Variants in EYS observed in about 807,000 individuals in gnomAD.
EYS encodes EGF-like photoreceptor maintenance factor, also known as protein eyes shut homolog.
A neutral mutation model predicts 282.1 loss-of-function variants in EYS; 250 were observed. The ratio of observed to expected loss-of-function variants is 0.89; its 90% CI spans 0.80 to 0.98. The LOEUF (loss-of-function observed/expected upper bound fraction) is 0.98, where lower values mean the gene tolerates loss of function less well. EYS is among the 50% of genes least tolerant of loss of function. The pLI, the probability that EYS is intolerant of heterozygous loss-of-function variation, is 0.00. For synonymous variants in EYS, 1,355 were observed against 1,282.9 expected (o/e 1.06, Z -1.20); for missense variants, 4,016 against 3,709.0 (o/e 1.08, Z -2.15).
chr6:64,985,070 T>G (rs867640823), intron 14 of EYS, among the ~76,000 whole-genome samples: 8 of 151,656 alleles, frequency 5.3e-5, no homozygotes, highest in Middle Eastern at 6.8e-3. Context: ...TCCTGTTTTA[T>G]GAATATGCAG....
At chr6:64,525,314 A>G (rs1777881457) in intron 26 of EYS, among the ~76,000 whole-genome samples, 1 of 151,934 alleles carries the variant, frequency 6.6e-6, no homozygotes, top group Non-Finnish European at 1.5e-5. Context: ...AATACATGGT[A>G]CATATACACA....
At chr6:64,939,754 G>A (rs1769028010) in intron 15 of EYS, among the ~76,000 whole-genome samples, 1 of 151,806 alleles carries the variant, frequency 6.6e-6, no homozygotes, top group African/African-American at 2.4e-5. Context: ...GCTTCTGATA[G>A]CCAGGATATT....
Position 64,902,405 on chromosome 6 carries a change from T to G in EYS, c.2737A>C (p.Arg913=). The G allele has an allele frequency of 6.5e-7, 1 of 1,536,206 alleles. No homozygotes were observed. Among genetic ancestry groups the G allele is most frequent in the Non-Finnish European group, 8.8e-7 (1 of 1,140,604 alleles). ...GDCEDMVNNF[R]CICRPGFSGS... ...AGATACTTTTTAAGTTTTCTGTACCTGAAATTGTTGACCATATCTTCACAG... is the reference window on the plus strand; with the variant it reads ...AGATACTTTTTAAGTTTTCTGTACCGGAAATTGTTGACCATATCTTCACAG... Residue 913 remains arginine, a splice_region_variant and synonymous_variant, in exon 17 of 43, where the codon AGG becomes CGG. Transcript: ENST00000503581.
chr6:64,088,195 G>C (rs1449401423), intron 31 of EYS, among the ~76,000 whole-genome samples: 1 of 152,060 alleles, frequency 6.6e-6, no homozygotes, highest in African/African-American at 2.4e-5. Flanking sequence ...GTTAGGCAGA[G>C]TGTTTTCCCG....
chr6:63,975,022 C>T (rs1017233494), intron 35 of EYS, among the ~76,000 whole-genome samples: 3 of 151,614 alleles, frequency 2.0e-5, no homozygotes, highest in Non-Finnish European at 4.4e-5. Context: ...CAGCTTCAGT[C>T]ACACTCTCAA....
chr6:64,945,671 T>C, intron 15 of EYS, 122 bp downstream of exon 15: 1 of 905,158 alleles, frequency 1.1e-6, no homozygotes. Flanking sequence ...TAAATGGCTC[T>C]TCATTGCTGG....
chr6:64,248,692 AAATAGAATTACTATCC>A lies in EYS; in HGVS notation c.6192-17884_6192-17869del, dbSNP rs540995547. Among the ~76,000 whole-genome samples, 12 of 152,326 alleles carry A rather than the reference AAATAGAATTACTATCC, an allele frequency of 7.9e-5. No individual in the cohort carries two copies. The East Asian group carries it at 2.3e-3, about 29-fold the overall frequency. On this transcript the variant is annotated intron_variant, in intron 30 of 42. Coordinates refer to ENST00000503581, the MANE Select transcript of EYS (RefSeq NM_001142800.2). Reference sequence around the variant, plus strand: ...GTATAGAGATTTCTCAAAGAGCTAAAAATAGAATTACTATCCAATTCAACAATCCTACTACTGGGTA... The same window carrying A: ...GTATAGAGATTTCTCAAAGAGCTAAAAATTCAACAATCCTACTACTGGGTA...
intron 29 of EYS, among the ~76,000 whole-genome samples, chr6:64,334,831 C>G (rs1770782478): frequency 6.6e-6 from 1 of 152,110 alleles, no homozygotes; most frequent in South Asian, 2.1e-4. Flanking sequence ...AGCTCATGTT[C>G]CAGTCCAGAT....
intron 40 of EYS, among the ~76,000 whole-genome samples, chr6:63,775,171 G>C (rs1471712586): frequency 6.6e-6 from 1 of 152,082 alleles, no homozygotes; most frequent in East Asian, 1.9e-4. Context: ...TGATGAACTC[G>C]GAGCAGGAGA....
intron 1 of EYS, among the ~76,000 whole-genome samples, chr6:65,647,739 G>A (rs944809216): frequency 2.0e-5 from 3 of 152,100 alleles, no homozygotes; most frequent in Non-Finnish European, 4.4e-5. Context: ...AGACAACCCA[G>A]TAATTGGGGG....
chr6:65,201,882 G>A (rs968155587), intron 12 of EYS, among the ~76,000 whole-genome samples: 1 of 152,034 alleles, frequency 6.6e-6, no homozygotes, highest in Non-Finnish European at 1.5e-5. Context: ...AGAAGCCGAG[G>A]CAGGTACATC....
chr6:64,618,017 C>T (rs910998714), intron 23 of EYS, among the ~76,000 whole-genome samples: 1 of 152,050 alleles, frequency 6.6e-6, no homozygotes, highest in African/African-American at 2.4e-5. Context: ...TAGTATTTTA[C>T]ATTTAGTATT....
intron 26 of EYS, among the ~76,000 whole-genome samples, chr6:64,520,980 T>A (rs1222732291): frequency 2.0e-5 from 3 of 151,690 alleles, no homozygotes; most frequent in Non-Finnish European, 4.4e-5. Context: ...AATTCATGAA[T>A]CAGAAAGTTC....
At chr6:64,538,918 G>A (rs558506405) in intron 26 of EYS, among the ~76,000 whole-genome samples, 10 of 152,114 alleles carry the variant, frequency 6.6e-5, no homozygotes, top group Non-Finnish European at 8.8e-5. Context: ...TAGTAATTGC[G>A]CTGCTAACCT....
Position 64,813,440 on chromosome 6 carries a change from A to ATTAAT in EYS, c.3380_3381insATTAA (p.Asn1127LysfsTer38). The ATTAAT allele has an allele frequency of 4.5e-6, 7 of 1,550,512 alleles. No individual in the cohort carries two copies. The highest frequency in any genetic ancestry group is 6.1e-6 in the Non-Finnish European group (7 of 1,146,198). ...TCCCTCCATTAAGACAGATGACTGA[A>ATTAAT]TTAAGTTCAGGCTCAGCACAATTAT... On this transcript the variant is annotated frameshift_variant, in exon 22 of 43. Transcript: ENST00000503581. LOFTEE classifies it high-confidence loss of function.
At chr6:64,129,578 G>A (rs1255539676) in intron 31 of EYS, among the ~76,000 whole-genome samples, 1 of 152,074 alleles carries the variant, frequency 6.6e-6, no homozygotes. Flanking sequence ...CATTCTGTAG[G>A]TTGCCTGTTC....
intron 26 of EYS, among the ~76,000 whole-genome samples, chr6:64,457,172 T>G (rs1022075951): frequency 1.3e-5 from 2 of 152,034 alleles, no homozygotes; most frequent in African/African-American, 4.8e-5. Flanking sequence ...TTTGTTAATT[T>G]TCCAATATTT....
chr6:64,364,064 GT>G (rs200324587), intron 29 of EYS, among the ~76,000 whole-genome samples: 4,724 of 151,696 alleles, frequency 0.031, 235 homozygotes, highest in African/African-American at 0.11. Context: ...CAACATTTCA[GT>G]TTTTTTCCCT....
At chr6:63,743,134 T>G (rs939337717) in intron 41 of EYS, among the ~76,000 whole-genome samples, 1 of 152,238 alleles carries the variant, frequency 6.6e-6, no homozygotes, top group African/African-American at 2.4e-5. Flanking sequence ...TGCCAGCATT[T>G]GGCATTGTCA....
Sources: allele counts gnomAD v4.1 joint callset (sites outside exome capture counted in the v4.1 genomes callset), GRCh38; gene constraint gnomAD v4.1.1; transcripts MANE v1.5; gene names NCBI Gene and HGNC (gene_info 2026-07-23, HGNC 2026-07-21).